Variants in ZFHX3 observed in about 807,000 individuals in gnomAD.
ZFHX3 encodes the protein zinc finger homeobox protein 3.
Under a neutral mutation model 279.1 loss-of-function variants are expected in ZFHX3, and 42 were observed. The observed-to-expected ratio is 0.15, with a 90% CI of 0.12 to 0.19. The LOEUF (loss-of-function observed/expected upper bound fraction) is 0.19. Ranked by LOEUF, ZFHX3 falls within the 10% of genes least tolerant of loss-of-function variation. The probability of loss-of-function intolerance (pLI) is 1.00; values close to 1 mark genes in which losing one functional copy is unlikely to be tolerated. For synonymous variants in ZFHX3, 2,293 were observed against 1,957.8 expected (o/e 1.17, Z -4.52); for missense variants, 4,981 against 4,754.0 (o/e 1.05, Z -1.40).
intron 1 of ZFHX3, chr16:73,815,621 G>T (rs1334116799): frequency 6.6e-6 from 1 of 151,736 alleles, no homozygotes. Flanking sequence ...GAGCGTAATG[G>T]CACGATCTCA....
intron 1 of ZFHX3, among the ~76,000 whole-genome samples, chr16:72,967,859 C>A (rs898880804): frequency 6.7e-6 from 1 of 148,888 alleles, no homozygotes; most frequent in Non-Finnish European, 1.5e-5. Context: ...ACCCGGGAGA[C>A]ACAACTTGCA....
intron 1 of ZFHX3, among the ~76,000 whole-genome samples, chr16:73,687,980 C>T (rs1864042635): frequency 6.6e-6 from 1 of 151,576 alleles, no homozygotes; most frequent in Non-Finnish European, 1.5e-5. Flanking sequence ...ACGTAAGACG[C>T]AAATTCACTA....
chr16:73,002,893 G>A (rs1330543393), intron 1 of ZFHX3, among the ~76,000 whole-genome samples: 4 of 152,098 alleles, frequency 2.6e-5, no homozygotes, highest in South Asian at 2.1e-4. Context: ...TTCACTATGC[G>A]GAGCTCAGAA....
At chr16:73,045,805 TG>T (rs370846607) in intron 1 of ZFHX3, among the ~76,000 whole-genome samples, 19 of 111,992 alleles carry the variant, frequency 1.7e-4, no homozygotes, top group Middle Eastern at 4.8e-3. Flanking sequence ...AAAAAAAAAG[TG>T]GGGGGGGGTT....
intron 5 of ZFHX3, among the ~76,000 whole-genome samples, chr16:73,202,537 C>T (rs2011644428): frequency 6.6e-6 from 1 of 152,182 alleles, no homozygotes; most frequent in Non-Finnish European, 1.5e-5. Flanking sequence ...GTTCGGGCTG[C>T]TGGAGTCGAA....
intron 2 of ZFHX3, among the ~76,000 whole-genome samples, chr16:73,485,779 T>C (rs564762961): frequency 6.6e-6 from 1 of 152,212 alleles, no homozygotes; most frequent in Non-Finnish European, 1.5e-5. Context: ...TGGCTCATCC[T>C]CATCCTCTTC....
intron 1 of ZFHX3, among the ~76,000 whole-genome samples, chr16:73,040,036 GCT>G (rs1346739978): frequency 6.6e-6 from 1 of 152,210 alleles, no homozygotes; most frequent in East Asian, 1.9e-4. Flanking sequence ...TGTCTGGGCA[GCT>G]CTGTTTTTCA....
intron 3 of ZFHX3, among the ~76,000 whole-genome samples, chr16:73,446,099 T>G (rs2143548165): frequency 6.6e-6 from 1 of 152,328 alleles, no homozygotes; most frequent in Non-Finnish European, 1.5e-5. Flanking sequence ...TCATTTGGCA[T>G]AGCCTCAGTA....
chr16:73,304,186 C>T (rs1425474746), intron 4 of ZFHX3, among the ~76,000 whole-genome samples: 1 of 151,888 alleles, frequency 6.6e-6, no homozygotes, highest in African/African-American at 2.4e-5. Flanking sequence ...GGGTGTGAGT[C>T]GGAATTTGTG....
At chr16:73,754,954 A>C (rs59158502) in intron 1 of ZFHX3, among the ~76,000 whole-genome samples, 2,437 of 152,286 alleles carry the variant, frequency 0.016, 60 homozygotes, top group African/African-American at 0.056. Flanking sequence ...ACTTATTGAA[A>C]GTTTACTATA....
At chr16:73,147,771 G>A (rs1346414588) in intron 5 of ZFHX3, among the ~76,000 whole-genome samples, 2 of 149,372 alleles carry the variant, frequency 1.3e-5, no homozygotes, top group South Asian at 4.2e-4. Flanking sequence ...TCCGGAGGCC[G>A]AGGTGGGCAA....
intron 5 of ZFHX3, among the ~76,000 whole-genome samples, chr16:73,187,428 A>AC (rs944755517): frequency 6.6e-6 from 1 of 150,938 alleles, no homozygotes; most frequent in East Asian, 1.9e-4. Flanking sequence ...CTAATCCCTG[A>AC]CCCCCCTGCC....
intron 4 of ZFHX3, among the ~76,000 whole-genome samples, chr16:73,307,633 A>G (rs1360665533): frequency 6.6e-6 from 1 of 152,246 alleles, no homozygotes; most frequent in Non-Finnish European, 1.5e-5. Context: ...AGAGGAACCC[A>G]GCGAGGAGAT....
chr16:73,410,543 A>T (rs1351906037), intron 3 of ZFHX3, among the ~76,000 whole-genome samples: 1 of 152,254 alleles, frequency 6.6e-6, no homozygotes, highest in Non-Finnish European at 1.5e-5. Context: ...TATGCATTGT[A>T]TGCCTGTATA....
At chr16:72,990,733 T>C (rs1963052322) in intron 1 of ZFHX3, among the ~76,000 whole-genome samples, 1 of 152,128 alleles carries the variant, frequency 6.6e-6, no homozygotes, top group African/African-American at 2.4e-5. Context: ...GTAATCCCAG[T>C]ACTCTGAGAG....
At chr16:73,879,700 G>T (rs1414660988) in intron 1 of ZFHX3, among the ~76,000 whole-genome samples, 1 of 152,106 alleles carries the variant, frequency 6.6e-6, no homozygotes, top group African/African-American at 2.4e-5. Flanking sequence ...TCCATGTATA[G>T]GTATAAGTGT....
intron 3 of ZFHX3, among the ~76,000 whole-genome samples, chr16:73,448,166 C>T (rs1281844729): frequency 6.6e-6 from 1 of 152,112 alleles, no homozygotes; most frequent in African/African-American, 2.4e-5. Context: ...TAAGAAACTT[C>T]TTCACATTAA....
chr16:73,107,672 C>T (rs1465814061), intron 7 of ZFHX3, among the ~76,000 whole-genome samples: 1 of 152,130 alleles, frequency 6.6e-6, no homozygotes, highest in Non-Finnish European at 1.5e-5. Flanking sequence ...AGGGCAGCAC[C>T]ACGCGTATTT....
intron 3 of ZFHX3, among the ~76,000 whole-genome samples, chr16:72,895,873 C>CTAGATAGATAGA (rs146417471): frequency 3.2e-4 from 48 of 151,894 alleles, no homozygotes; most frequent in Non-Finnish European, 5.6e-4. Flanking sequence ...GTAGATTAGA[C>CTAGATAGATAGA]TAGATAGATA....
Sources: allele counts gnomAD v4.1 joint callset (sites outside exome capture counted in the v4.1 genomes callset), GRCh38; gene constraint gnomAD v4.1.1; transcripts MANE v1.5; gene names NCBI Gene and HGNC (gene_info 2026-07-23, HGNC 2026-07-21).